Variants in CDIN1 observed in about 807,000 individuals in gnomAD.
CDIN1 encodes the protein CDAN1-interacting nuclease 1.
CDIN1 carries 33 observed loss-of-function variants against 45.3 expected under a neutral mutation model. The observed-to-expected ratio is 0.73, with a 90% CI of 0.55 to 0.97. CDIN1 has a LOEUF of 0.97. Ranked by LOEUF, CDIN1 falls within the 50% of genes least tolerant of loss-of-function variation. The probability of loss-of-function intolerance (pLI) is 0.00; values close to 1 mark genes in which losing one functional copy is unlikely to be tolerated. For missense variants in CDIN1, 303 were observed against 339.4 expected (o/e 0.89, Z 0.84); for synonymous variants, 118 against 124.4 (o/e 0.95, Z 0.34).
chr15:36,769,488 C>G, intron 10 of CDIN1, among the ~76,000 whole-genome samples: 1 of 152,156 alleles, frequency 6.6e-6, no homozygotes, highest in East Asian at 1.9e-4. Context: ...GAACCCCACC[C>G]ACGTTACAGA....
intron 3 of CDIN1, among the ~76,000 whole-genome samples, chr15:36,648,254 T>C (rs1397437420): frequency 1.3e-5 from 2 of 152,100 alleles, no homozygotes; most frequent in Non-Finnish European, 2.9e-5. Flanking sequence ...TGAGGTCATA[T>C]TATATAAGCA....
At chr15:36,651,063 AAAAAAAAAAT>A (rs2040557477) in intron 3 of CDIN1, among the ~76,000 whole-genome samples, 3 of 146,884 alleles carry the variant, frequency 2.0e-5, no homozygotes, top group South Asian at 4.4e-4. Context: ...ACTTCATCTC[AAAAAAAAAAT>A]AAAAAAAAAT....
intron 1 of CDIN1, chr15:36,617,715 A>G (rs2038961346): frequency 4.8e-5 from 38 of 786,678 alleles, no homozygotes; most frequent in South Asian, 4.0e-4. Context: ...TCCTGAAACA[A>G]CACCAATAGA....
At chr15:36,605,551 A>T (rs1226627095) in intron 1 of CDIN1, among the ~76,000 whole-genome samples, 3 of 152,228 alleles carry the variant, frequency 2.0e-5, no homozygotes, top group African/African-American at 7.2e-5. Flanking sequence ...TTCTGTGTGT[A>T]GTCAGAGTGT....
intron 1 of CDIN1, among the ~76,000 whole-genome samples, chr15:36,597,516 C>A (rs2037894028): frequency 6.6e-6 from 1 of 152,182 alleles, no homozygotes; most frequent in African/African-American, 2.4e-5. Flanking sequence ...TTAGGATTTT[C>A]CAGGTACCAT....
chr15:36,585,682 A>G (rs1437652236), intron 1 of CDIN1, among the ~76,000 whole-genome samples: 1 of 152,136 alleles, frequency 6.6e-6, no homozygotes, highest in African/African-American at 2.4e-5. Flanking sequence ...TGGTAGTTCT[A>G]ATGTTACTTT....
At chr15:36,607,620 T>A (rs1248208498) in intron 1 of CDIN1, among the ~76,000 whole-genome samples, 1 of 152,184 alleles carries the variant, frequency 6.6e-6, no homozygotes, top group African/African-American at 2.4e-5. Flanking sequence ...CTTTTATTCC[T>A]TCTTCTGTCT....
chr15:36,721,770 T>TTCTC (rs140313300), intron 10 of CDIN1, among the ~76,000 whole-genome samples: 17 of 149,612 alleles, frequency 1.1e-4, no homozygotes, highest in East Asian at 5.8e-4. Flanking sequence ...TTCCTGGAAT[T>TTCTC]TCTCTCTCTC....
intron 10 of CDIN1, among the ~76,000 whole-genome samples, chr15:36,746,668 TCCACAC>T (rs911272026): frequency 1.0e-4 from 5 of 48,962 alleles, no homozygotes; most frequent in Non-Finnish European, 1.5e-4. Context: ...AATATATGGT[TCCACAC>T]ACACACACAC....
chr15:36,698,200 A>T (rs2042506635), intron 8 of CDIN1, among the ~76,000 whole-genome samples: 1 of 152,248 alleles, frequency 6.6e-6, no homozygotes, highest in Non-Finnish European at 1.5e-5. Flanking sequence ...ATTGGCCCAA[A>T]CCAAATGCAG....
At chr15:36,639,051 G>A (rs758303258) in intron 1 of CDIN1, among the ~76,000 whole-genome samples, 4 of 152,158 alleles carry the variant, frequency 2.6e-5, no homozygotes, top group Non-Finnish European at 5.9e-5. Context: ...AAAATAAGGA[G>A]GATAGCAGTA....
chr15:36,768,652 G>C (rs559649461), intron 10 of CDIN1, among the ~76,000 whole-genome samples: 5 of 152,174 alleles, frequency 3.3e-5, no homozygotes, highest in Non-Finnish European at 5.9e-5. Context: ...AAACTGCTGC[G>C]AGAATATTTG....
intron 10 of CDIN1, among the ~76,000 whole-genome samples, chr15:36,805,394 T>C (rs1595627379): frequency 6.6e-6 from 1 of 152,146 alleles, no homozygotes; most frequent in African/African-American, 2.4e-5. Flanking sequence ...CCAAGGACTC[T>C]CTTTTCTTTT....
intron 10 of CDIN1, among the ~76,000 whole-genome samples, chr15:36,761,569 C>G (rs189798143): frequency 9.7e-4 from 147 of 152,230 alleles, no homozygotes; most frequent in Admixed American, 2.4e-3. Context: ...GAGGCGCTGT[C>G]ATGGAGTCAG....
At chr15:36,591,642 A>G (rs1237526914) in intron 1 of CDIN1, 3 of 152,240 alleles carry the variant, frequency 2.0e-5, no homozygotes, top group Non-Finnish European at 4.4e-5. Flanking sequence ...AACTCTCTAC[A>G]TGCAGATAGA....
chr15:36,737,041 G>A (rs80165910), intron 10 of CDIN1, among the ~76,000 whole-genome samples: 4 of 151,816 alleles, frequency 2.6e-5, no homozygotes, highest in Non-Finnish European at 4.4e-5. Context: ...GGTGGCACAC[G>A]CCTGTAATCC....
chr15:36,692,071 T>C, intron 6 of CDIN1, 55 bp from the exon 7 acceptor site: 2 of 1,531,786 alleles, frequency 1.3e-6, no homozygotes, highest in Middle Eastern at 1.7e-4. Context: ...TATTGTTTAC[T>C]GTAATAGTTT....
At chr15:36,654,038 G>T in intron 3 of CDIN1, 60 bp from the exon 4 acceptor site, 2 of 1,301,970 alleles carry the variant, frequency 1.5e-6, no homozygotes, top group South Asian at 1.3e-5. Context: ...AGGGGATGCT[G>T]ACAAGTCTAT....
chr15:36,608,547 T>C (rs1278119408), intron 1 of CDIN1, among the ~76,000 whole-genome samples: 1 of 152,196 alleles, frequency 6.6e-6, no homozygotes, highest in Non-Finnish European at 1.5e-5. Context: ...GTAAGAGTTA[T>C]TTACATATTC....
Sources: gnomAD v4.1 joint callset for allele counts (sites outside exome capture counted in the v4.1 genomes callset) on GRCh38, gnomAD v4.1.1 for gene constraint, MANE v1.5 for transcripts, NCBI Gene and HGNC (gene_info 2026-07-23, HGNC 2026-07-21) for gene names.